VCP: variants seen among roughly 807,000 people sequenced by gnomAD.
The protein encoded by VCP is valosin containing protein.
VCP carries 6 observed loss-of-function variants against 85.7 expected under a neutral mutation model. That is an observed-to-expected ratio of 0.07 (90% CI 0.04 to 0.14). The LOEUF (loss-of-function observed/expected upper bound fraction) is 0.14. Ranked by LOEUF, VCP falls within the 10% of genes least tolerant of loss-of-function variation. The pLI is 1.00. For synonymous variants in VCP, 384 were observed against 367.1 expected, an observed-to-expected ratio of 1.05 and a Z score of -0.53; for missense variants, 353 against 1,043.4, an observed-to-expected ratio of 0.34 and a Z score of 9.12.
Position 35,059,154 on chromosome 9 carries a change from A to G in VCP, c.2070T>C (p.Ile690=), listed in dbSNP as rs563393296. 1 of 1,614,096 alleles carries G rather than the reference A, an allele frequency of 6.2e-7. No individual in the cohort carries two copies. Among genetic ancestry groups the G allele is most frequent in the South Asian group, 1.1e-5 (1 of 91,074 alleles). The change falls in exon 15 of 17, where the codon ATT becomes ATC. Residue 690 remains isoleucine (I), a synonymous_variant. Transcript: ENST00000358901. This position sits in a 1 kb window ranked among gnomAD's most constrained non-coding sequence, Gnocchi z 4.9. The part of the protein sequence containing the change: ...NGFSGADLTE[I]CQRACKLAIR... ...TGGCCAGCTTGCAAGCACGCTGGCA[A>G]ATCTCTGTCAGGTCAGCTCCAGAGA...
In VCP at chr9:35,072,332, C is replaced by T; in HGVS notation, c.17+5G>A. 1 of 1,487,484 alleles carries T rather than the reference C, an allele frequency of 6.7e-7. No homozygotes were observed. Among genetic ancestry groups the T allele is most frequent in the Non-Finnish European group, 8.9e-7 (1 of 1,126,806 alleles). 92.1% of individuals were successfully genotyped at this position (1,487,484 alleles called of 1,614,324 possible). ...GCAGCAAGCGAACGGCGCGCGCACA[C>T]TCACTCGGCTCCAGAAGCCATGGCG... is the stretch of plus-strand genomic sequence containing the variant. On this transcript the variant is annotated splice_donor_5th_base_variant and intron_variant, in intron 1 of 16. Transcript: ENST00000358901.
chr9:35,056,995 G>T lies in VCP; in HGVS notation c.*122C>A. 1.0e-6 allele frequency: 1 copy of T among 953,746 alleles called. No individual in the cohort carries two copies. Among genetic ancestry groups the T allele is most frequent in the Non-Finnish European group, 1.7e-6 (1 of 593,322 alleles). 59.1% of individuals were successfully genotyped at this position (953,746 alleles called of 1,614,324 possible). On this transcript the variant is annotated 3_prime_UTR_variant, in exon 17 of 17. Coordinates refer to ENST00000358901, the MANE Select transcript of VCP (RefSeq NM_007126.5). ...TCCAGAGTCAGACTGTAGCTGAACT[G>T]TTCAGACTGGAGAATGGAGCAGGCT...
At position 35,060,999 on chromosome 9, in the gene VCP, C is replaced by T. The variant is rs556418857; in HGVS notation, c.1359+16G>A. 41 of 1,614,018 alleles carry T rather than the reference C, an allele frequency of 2.5e-5. No homozygotes were observed. The highest frequency in any genetic ancestry group is 2.2e-5 in the East Asian group (1 of 44,894). ...AGCACGTATGTGTGTACCTGAGGCA[C>T]GGGTGTGGTCCTTACCCGGAAGTCA... On this transcript the variant is annotated intron_variant, in intron 11 of 16. Coordinates refer to ENST00000358901, the MANE Select transcript of VCP (RefSeq NM_007126.5).
At chr9:35,066,264 CTTTT>C (rs34301260) in intron 4 of VCP, among the ~76,000 whole-genome samples, 2 of 132,818 alleles carry the variant, frequency 1.5e-5, no homozygotes, top group Admixed American at 7.6e-5. Context: ...GACCCTGTCT[CTTTT>C]TTTTTTTTTT....
Position 35,059,637 on chromosome 9 carries a change from A to G in VCP, c.1860T>C (p.Ile620=), listed in dbSNP as rs1316087645. The G allele has an allele frequency of 6.2e-7, 1 of 1,614,186 alleles. No individual in the cohort carries two copies. Among genetic ancestry groups the G allele is most frequent in the South Asian group, 1.1e-5 (1 of 91,084 alleles). Residue 620 remains isoleucine (I), a synonymous_variant, in exon 14 of 17, where the codon ATT becomes ATC. Transcript: ENST00000358901. The surrounding 1 kb of genome is among the most constrained non-coding windows in gnomAD (Gnocchi z 4.9). ...GMSTKKNVFI[I]GATNRPDIID... is the part of the protein sequence containing the mutation. The stretch of plus-strand genomic sequence containing the variant: ...TGATGTCAGGCCGGTTGGTAGCGCC[A>G]ATGATGAACACATTTTTTTTTGTGG...
In VCP at chr9:35,061,233, A is replaced by C. The variant is rs1027772210; in HGVS notation, c.1195-54T>G. Reference sequence around the variant, plus strand: ...GCCTCAAAGACCCAGCTGCTGCAGGAGGCTCAGAGACAATAGAATCCTTCC... The same window carrying C: ...GCCTCAAAGACCCAGCTGCTGCAGGCGGCTCAGAGACAATAGAATCCTTCC... On this transcript the variant is annotated intron_variant, in intron 10 of 16. Transcript: ENST00000358901. 4 of 1,609,750 alleles carry C rather than the reference A, an allele frequency of 2.5e-6. No individual in the cohort carries two copies. In the African/African-American group the frequency reaches 5.3e-5, roughly 22 times the overall value.
In VCP at chr9:35,071,293, G is replaced by GTTTTT. The variant is rs869178164; in HGVS notation, c.17+1039_17+1043dup. On this transcript the variant is annotated intron_variant, in intron 1 of 16. Transcript: ENST00000358901. ...CATAGAGTTTCCTTGGGCTGGCTGT[G>GTTTTT]TTTTTTTTTTTTTTTTTTTTTTTTT... is the stretch of plus-strand genomic sequence containing the variant. 7.1e-4 allele frequency among the ~76,000 whole-genome samples: 49 copies of GTTTTT among 69,122 alleles called. 6 individuals are homozygous for GTTTTT. The highest frequency in any genetic ancestry group is 2.2e-3 in the South Asian group (3 of 1,382). 45.3% of individuals were successfully genotyped at this position (69,122 alleles called of 152,430 possible). A position where few individuals can be genotyped will look rare whatever the true frequency, so the allele number is the denominator to read the frequency against.
chr9:35,060,984 T>G (rs1243925282), intron 11 of VCP, 31 bp downstream of exon 11: 12 of 1,614,184 alleles, frequency 7.4e-6, no homozygotes, highest in Non-Finnish European at 8.5e-6. Context: ...AGCACGTATG[T>G]GTGTACCTGA....
At chr9:35,058,665 G>C (rs910508713) in intron 15 of VCP, among the ~76,000 whole-genome samples, 1 of 152,206 alleles carries the variant, frequency 6.6e-6, no homozygotes, top group African/African-American at 2.4e-5. Flanking sequence ...TACTCGGGAG[G>C]CTGAGGCAGG....
chr9:35,059,509 T>C lies in VCP; in HGVS notation c.1988A>G (p.Lys663Arg). 6.2e-7 allele frequency: 1 copy of C among 1,614,086 alleles called. No individual in the cohort carries two copies. Among genetic ancestry groups the C allele is most frequent in the Non-Finnish European group, 8.5e-7 (1 of 1,180,034 alleles). Residue 663 changes from lysine (K) to arginine (R), a missense_variant, in exon 14 of 17, where the codon AAG (lysine) becomes AGG (arginine). Physicochemically the swap from Lys to Arg is conservative, Grantham distance 26 (BLOSUM62 2). Coordinates refer to ENST00000358901, the MANE Select transcript of VCP (RefSeq NM_007126.5). The surrounding 1 kb of genome is among the most constrained non-coding windows in gnomAD (Gnocchi z 4.9). ...RVAILKANLRKSPVAKDVDLE... is the reference protein window; with the variant it reads ...RVAILKANLRRSPVAKDVDLE... ...TGCACCTGCCTTGGCAACTGGGGAC[T>C]TGCGCAGGTTAGCCTTGAGGATGGC...
chr9:35,062,866 T>C (rs1301055328), intron 7 of VCP, 112 bp downstream of exon 7: 12 of 982,364 alleles, frequency 1.2e-5, no homozygotes, highest in Non-Finnish European at 2.0e-5. Flanking sequence ...AAATATGCTA[T>C]AAACATGAAG....
Position 35,062,061 on chromosome 9 carries a change from C to A in VCP, c.1023G>T (p.Val341=), listed in dbSNP as rs1449470740. ...LMDGLKQRAH[V]IVMAATNRPN... ...GTCTGTTGGTTGCTGCCATAACAAT[C>A]ACATGTGCCCTCTGCTTTAGGCCAT... Residue 341 remains valine, a synonymous_variant, in exon 9 of 17, where the codon GTG becomes GTT. Transcript: ENST00000358901. 1 of 1,614,202 alleles carries A rather than the reference C, an allele frequency of 6.2e-7. No individual in the cohort carries two copies. The highest frequency in any genetic ancestry group is 8.5e-7 in the Non-Finnish European group (1 of 1,180,028).
intron 1 of VCP, among the ~76,000 whole-genome samples, chr9:35,071,019 G>A (rs981032602): frequency 1.3e-5 from 2 of 152,190 alleles, no homozygotes; most frequent in African/African-American, 2.4e-5. Context: ...ACGGGACTTG[G>A]AAGGGTTTCA....
rs1023476725 is a variant in VCP, at chr9:35,056,827, C to T, written c.*290G>A. 4.9e-6 allele frequency: 2 copies of T among 410,736 alleles called. No individual in the cohort carries two copies. Among genetic ancestry groups the T allele is most frequent in the Non-Finnish European group, 9.3e-6 (2 of 216,002 alleles). The allele number at this position is 410,736 out of a possible 1,614,324, so 25.4% of individuals were successfully genotyped here. ...GCCTTGGTTCACACCCCACACAGGTCCCCTGCACTGCCCCAAACTACAACA... is the reference window on the plus strand; with the variant it reads ...GCCTTGGTTCACACCCCACACAGGTTCCCTGCACTGCCCCAAACTACAACA... On this transcript the variant is annotated 3_prime_UTR_variant, in exon 17 of 17. Transcript: ENST00000358901.
chr9:35,066,299 T>C (rs1293011779), intron 4 of VCP, among the ~76,000 whole-genome samples: 4 of 145,278 alleles, frequency 2.8e-5, no homozygotes, highest in Non-Finnish European at 6.0e-5. Context: ...TCTTGCTCTG[T>C]CACCCAGGCT....
At chr9:35,057,853 C>T in intron 15 of VCP, 1 of 424,160 alleles carries the variant, frequency 2.4e-6, no homozygotes, top group South Asian at 2.2e-5. Flanking sequence ...ATAGAACTTA[C>T]ACACACTTGT....
chr9:35,072,173 G>T, intron 1 of VCP, 164 bp downstream of exon 1: 1 of 1,419,434 alleles, frequency 7.0e-7, no homozygotes, highest in South Asian at 1.4e-5. Context: ...GCCCCAGCCG[G>T]GCCTGCCGGG....
chr9:35,065,413 A>G (rs774241933), intron 4 of VCP, 32 bp from the exon 5 acceptor site: 2 of 1,613,770 alleles, frequency 1.2e-6, no homozygotes, highest in South Asian at 1.1e-5. Flanking sequence ...GCACAGTTAG[A>G]GGTGTCAACT....
chr9:35,057,606 C>A lies in VCP; in HGVS notation c.2161-76G>T, dbSNP rs1421165282. 1.9e-6 allele frequency: 3 copies of A among 1,584,484 alleles called. No individual in the cohort carries two copies. The African/African-American group carries it at 4.0e-5, about 21-fold the overall frequency. ...TTTCATCCCAGGCCTCCCATTACTG[C>A]AGTTTATTGGTCTCCTTGCCCTTCC... On this transcript the variant is annotated intron_variant, in intron 15 of 16. Transcript: ENST00000358901.
Sources: gnomAD v4.1 joint callset for allele counts (sites outside exome capture counted in the v4.1 genomes callset) on GRCh38, gnomAD v4.1.1 for gene constraint, Gnocchi (gnomAD v3.1) non-coding constraint, MANE v1.5 for transcripts, NCBI Gene and HGNC (gene_info 2026-07-23, HGNC 2026-07-21) for gene names.